Variants in PDE3A observed in about 807,000 individuals in gnomAD.
PDE3A encodes the protein cGMP-inhibited 3',5'-cyclic phosphodiesterase 3A.
A neutral mutation model predicts 98.3 loss-of-function variants in PDE3A; 43 were observed. The ratio of observed to expected loss-of-function variants is 0.44; its 90% CI spans 0.34 to 0.56. The LOEUF is 0.56. Ranked by LOEUF, PDE3A falls within the 20% of genes least tolerant of loss-of-function variation. The pLI is 0.01. For missense variants in PDE3A, 1,427 were observed against 1,440.7 expected (o/e 0.99, Z 0.15); for synonymous variants, 663 against 567.9 (o/e 1.17, Z -2.38).
Position 20,551,672 on chromosome 12 carries a change from C to G in PDE3A, c.961-4988C>G, listed in dbSNP as rs1027491509. The G allele has an allele frequency of 5.6e-5, 90 of 1,607,322 alleles. 1 individual carries two copies. The highest frequency in any genetic ancestry group is 3.4e-4 in the Middle Eastern group (2 of 5,842). On this transcript the variant is annotated intron_variant, in intron 1 of 15. Transcript: ENST00000359062. ...TTCCACATCTACTGCCTGGACCCGC[C>G]CCTCAGCAGTGTTCCCAGCGAGGAC...
intron 5 of PDE3A, among the ~76,000 whole-genome samples, chr12:20,623,830 A>AGAAAGAATTTATGATGGATGTG (rs1565453549): frequency 5.9e-5 from 9 of 151,860 alleles, no homozygotes; most frequent in African/African-American, 1.9e-4. Flanking sequence ...TGATGGATGT[A>AGAAAGAATTTATGATGGATGTG]TTCTAGAAAG....
chr12:20,498,776 C>T (rs1011074159), intron 1 of PDE3A, among the ~76,000 whole-genome samples: 4 of 152,090 alleles, frequency 2.6e-5, no homozygotes, highest in Non-Finnish European at 5.9e-5. Context: ...TAAAATTGAA[C>T]ATTTTTTCAC....
intron 1 of PDE3A, among the ~76,000 whole-genome samples, chr12:20,412,711 C>A (rs547671436): frequency 6.6e-6 from 1 of 152,090 alleles, no homozygotes; most frequent in Admixed American, 6.6e-5. Flanking sequence ...TGAACTACTC[C>A]GTTTTCCTTA....
At chr12:20,674,229 T>C (rs999720354) in intron 15 of PDE3A, among the ~76,000 whole-genome samples, 2 of 152,250 alleles carry the variant, frequency 1.3e-5, no homozygotes, top group Admixed American at 6.5e-5. Flanking sequence ...GGAGTCTATG[T>C]TTTTCTAGAT....
At chr12:20,623,590 C>T (rs1944184817) in intron 5 of PDE3A, among the ~76,000 whole-genome samples, 1 of 151,724 alleles carries the variant, frequency 6.6e-6, no homozygotes, top group Non-Finnish European at 1.5e-5. Context: ...TGAAAGAAGT[C>T]AAAACTTTAC....
chr12:20,574,321 G>T (rs1345201916), intron 2 of PDE3A, among the ~76,000 whole-genome samples: 1 of 152,000 alleles, frequency 6.6e-6, no homozygotes, highest in African/African-American at 2.4e-5. Context: ...AGTCCTGCAG[G>T]ACTTCACATT....
chr12:20,631,778 G>A (rs1024595781), intron 6 of PDE3A, among the ~76,000 whole-genome samples: 6 of 148,936 alleles, frequency 4.0e-5, no homozygotes, highest in African/African-American at 1.5e-4. Context: ...AAAACAAGAG[G>A]ATTTCACTGT....
intron 1 of PDE3A, among the ~76,000 whole-genome samples, chr12:20,430,299 A>G (rs1591923657): frequency 6.6e-6 from 1 of 152,156 alleles, no homozygotes; most frequent in Admixed American, 6.6e-5. Context: ...AAATTTTTGA[A>G]GGCCAAATGA....
At chr12:20,660,083 G>A (rs1945129104) in intron 15 of PDE3A, among the ~76,000 whole-genome samples, 1 of 151,942 alleles carries the variant, frequency 6.6e-6, no homozygotes, top group South Asian at 2.1e-4. Flanking sequence ...CGAATCATAA[G>A]GGGAGTTACC....
intron 2 of PDE3A, among the ~76,000 whole-genome samples, chr12:20,602,483 T>C (rs971270530): frequency 3.9e-5 from 6 of 152,196 alleles, no homozygotes; most frequent in Non-Finnish European, 7.3e-5. Context: ...TGCTGATAGC[T>C]TGCAGGGACT....
intron 1 of PDE3A, among the ~76,000 whole-genome samples, chr12:20,444,860 T>C (rs11045250): frequency 0.18 from 27,558 of 152,134 alleles, 2,671 homozygotes; most frequent in East Asian, 0.28. Context: ...TGGACAGTAA[T>C]AGAAACAGGA....
At chr12:20,511,382 A>C (rs968194699) in intron 1 of PDE3A, among the ~76,000 whole-genome samples, 4 of 150,880 alleles carry the variant, frequency 2.7e-5, no homozygotes, top group African/African-American at 7.3e-5. Context: ...AGCTTGGAGT[A>C]TCTTTTAGTG....
chr12:20,459,460 A>C (rs1591954563), intron 1 of PDE3A, among the ~76,000 whole-genome samples: 1 of 152,160 alleles, frequency 6.6e-6, no homozygotes, highest in African/African-American at 2.4e-5. Context: ...TAAAGTAAAA[A>C]TTTTAAAGAC....
At chr12:20,582,235 CCT>C (rs561059437) in intron 2 of PDE3A, among the ~76,000 whole-genome samples, 154 of 152,054 alleles carry the variant, frequency 1.0e-3, no homozygotes, top group African/African-American at 3.7e-3. Context: ...ACTCTGTCAC[CCT>C]GGCTAGAGTG....
rs1565532658 is a variant in PDE3A at position 20,386,152 on chromosome 12, T to TATATAA, written c.960+15909_960+15910insTATAAA. 6.0e-5 allele frequency among the ~76,000 whole-genome samples: 5 copies of TATATAA among 83,692 alleles called. 1 individual carries two copies. The highest frequency in any genetic ancestry group is 1.0e-4 in the African/African-American group (2 of 19,152). The allele number at this position is 83,692 out of a possible 152,430, so 54.9% of individuals were successfully genotyped here. On this transcript the variant is annotated intron_variant, in intron 1 of 15. Transcript: ENST00000359062. ...ATATAAATATATATAAATATATATATAAATATATATAAATATATAAAAATA... is the reference window on the plus strand; with the variant it reads ...ATATAAATATATATAAATATATATATATATAAAAATATATATAAATATATAAAAATA...
chr12:20,505,690 T>C (rs1212869945), intron 1 of PDE3A, among the ~76,000 whole-genome samples: 2 of 152,136 alleles, frequency 1.3e-5, no homozygotes, highest in African/African-American at 4.8e-5. Flanking sequence ...TTCCTGTTGA[T>C]GGTCTCACTA....
chr12:20,378,401 A>T (rs895730409), intron 1 of PDE3A, among the ~76,000 whole-genome samples: 1 of 151,798 alleles, frequency 6.6e-6, no homozygotes, highest in Non-Finnish European at 1.5e-5. Context: ...ATAGATATAT[A>T]GATTAACTTT....
intron 15 of PDE3A, among the ~76,000 whole-genome samples, chr12:20,657,690 C>T (rs183026769): frequency 3.2e-4 from 48 of 152,282 alleles, no homozygotes; most frequent in Non-Finnish European, 6.5e-4. Flanking sequence ...ATGTTTTAGA[C>T]CACCTGCAGG....
Position 20,667,732 on chromosome 12 carries a change from G to C in PDE3A, c.3185-12298G>C, listed in dbSNP as rs554756435. Among the ~76,000 whole-genome samples, 5 of 152,192 alleles carry C rather than the reference G, an allele frequency of 3.3e-5. No homozygotes were observed. In the East Asian group the frequency reaches 9.7e-4, roughly 29 times the overall value. The stretch of plus-strand genomic sequence containing the variant: ...CTCCATCTTTGTTCTTTTCGTTCAG[G>C]ATTGCTTTGGCTACTCAAGCTCTTT... On this transcript the variant is annotated intron_variant, in intron 15 of 15. Coordinates refer to ENST00000359062, the MANE Select transcript of PDE3A (RefSeq NM_000921.5).
Sources: gnomAD v4.1 joint callset for allele counts (sites outside exome capture counted in the v4.1 genomes callset) on GRCh38, gnomAD v4.1.1 for gene constraint, MANE v1.5 for transcripts, NCBI Gene and HGNC (gene_info 2026-07-23, HGNC 2026-07-21) for gene names.